Variants in SMAD1 observed in about 807,000 individuals in gnomAD.
SMAD1 encodes the protein MAD, mothers against decapentaplegic homolog 1.
Under a neutral mutation model 41.6 loss-of-function variants are expected in SMAD1, and 6 were observed. The ratio of observed to expected loss-of-function variants is 0.14; its 90% CI spans 0.08 to 0.28. SMAD1 has a LOEUF of 0.28. Among genes scored for constraint, SMAD1 ranks in the 10% least tolerant of loss-of-function variants. The pLI, the probability that SMAD1 is intolerant of heterozygous loss-of-function variation, is 1.00. For synonymous variants in SMAD1, 206 were observed against 203.2 expected (o/e 1.01, Z -0.12); for missense variants, 379 against 582.6 (o/e 0.65, Z 3.60).
intron 1 of SMAD1, among the ~76,000 whole-genome samples, chr4:145,495,779 C>CTTT (rs397938427): frequency 2.6e-5 from 3 of 117,468 alleles, no homozygotes; most frequent in African/African-American, 1.0e-4. Flanking sequence ...CAGTGCTTGG[C>CTTT]TTTTTTTTTT....
chr4:145,507,853 A>AGTAT (rs1265819146), intron 1 of SMAD1, among the ~76,000 whole-genome samples: 1 of 152,186 alleles, frequency 6.6e-6, no homozygotes, highest in Non-Finnish European at 1.5e-5. Context: ...CCAAGGCCAT[A>AGTAT]GTATCATGGA....
intron 2 of SMAD1, among the ~76,000 whole-genome samples, chr4:145,515,682 G>A (rs780993421): frequency 2.4e-4 from 37 of 152,044 alleles, no homozygotes; most frequent in Non-Finnish European, 5.1e-4. Context: ...AAATTTATAC[G>A]GTTTTGCCCT....
chr4:145,495,279 G>A (rs74424042), intron 1 of SMAD1, among the ~76,000 whole-genome samples: 2,086 of 152,166 alleles, frequency 0.014, 63 homozygotes, highest in African/African-American at 0.048. Context: ...TGTCATGACC[G>A]TTTCTGCCAC....
chr4:145,525,798 A>G (rs1269510623), intron 2 of SMAD1: 1 of 152,226 alleles, frequency 6.6e-6, no homozygotes, highest in Non-Finnish European at 1.5e-5. Flanking sequence ...TGCTCCACAT[A>G]AAACTATGTA....
rs781242199 is a variant in SMAD1 at position 145,546,686 on chromosome 4, C to T, written c.776-17C>T. 13 of 1,592,078 alleles carry T rather than the reference C, an allele frequency of 8.2e-6. No homozygotes were observed. Among genetic ancestry groups the T allele is most frequent in the East Asian group, 6.7e-5 (3 of 44,776 alleles). ...GAGGCACTAACCTTGGTTGATATAA[C>T]ATTTTCTTTCCTCTAGATGTTCAGG... On this transcript the variant is annotated splice_polypyrimidine_tract_variant and intron_variant, in intron 4 of 6. Coordinates refer to ENST00000302085, the MANE Select transcript of SMAD1 (RefSeq NM_005900.3).
chr4:145,522,358 G>A (rs564746856), intron 2 of SMAD1, among the ~76,000 whole-genome samples: 1 of 151,744 alleles, frequency 6.6e-6, no homozygotes, highest in African/African-American at 2.4e-5. Flanking sequence ...TCCCAGCACT[G>A]TGGGAGGCCA....
chr4:145,533,081 C>T (rs1298622455), intron 2 of SMAD1, among the ~76,000 whole-genome samples: 1 of 152,196 alleles, frequency 6.6e-6, no homozygotes, highest in Non-Finnish European at 1.5e-5. Context: ...TTCAGGATTC[C>T]ACACAGGGAG....
At chr4:145,530,412 T>G (rs183286964) in intron 2 of SMAD1, among the ~76,000 whole-genome samples, 1 of 152,172 alleles carries the variant, frequency 6.6e-6, no homozygotes, top group Non-Finnish European at 1.5e-5. Context: ...TATGGAGTCA[T>G]AGCAGACGTT....
intron 6 of SMAD1, among the ~76,000 whole-genome samples, chr4:145,557,466 A>G (rs1373335072): frequency 1.3e-5 from 2 of 152,204 alleles, no homozygotes; most frequent in African/African-American, 2.4e-5. Flanking sequence ...TTACATTACT[A>G]TCAGTAATGG....
chr4:145,535,223 A>G (rs1254053084), intron 2 of SMAD1, among the ~76,000 whole-genome samples: 2 of 152,202 alleles, frequency 1.3e-5, no homozygotes, highest in African/African-American at 4.8e-5. Context: ...AGGTATGGGA[A>G]AAAGGCACTC....
intron 2 of SMAD1, among the ~76,000 whole-genome samples, chr4:145,529,305 G>A (rs145788749): frequency 2.2e-3 from 337 of 152,150 alleles, no homozygotes; most frequent in African/African-American, 7.9e-3. Flanking sequence ...TAATAACAGA[G>A]CACCTTCCTT....
intron 1 of SMAD1, among the ~76,000 whole-genome samples, chr4:145,498,406 T>G (rs990672556): frequency 2.0e-5 from 3 of 152,224 alleles, no homozygotes; most frequent in Non-Finnish European, 2.9e-5. Context: ...TTATTTTTTT[T>G]CCTTTATACA....
In SMAD1 at chr4:145,542,596, C is replaced by T. The variant is rs1375990946; in HGVS notation, c.673C>T (p.Pro225Ser). 5.0e-6 allele frequency: 8 copies of T among 1,608,170 alleles called. No individual in the cohort carries two copies. Among genetic ancestry groups the T allele is most frequent in the Middle Eastern group, 3.3e-4 (2 of 6,052 alleles). The change falls in exon 4 of 7, where the codon CCT becomes TCT. Residue 225 changes from proline (P) to serine (S), a missense_variant. By Grantham distance (74) the Pro-to-Ser change is moderately conservative (BLOSUM62 -1). Around this residue, in one of 3 missense-constraint regions of SMAD1, gnomAD observed 208 missense variants for 210.5 expected, o/e 0.99. Transcript: ENST00000302085. Reference sequence around the variant, plus strand: ...AAACTTTGTAGCTGATACGCCCCCACCTGCTTACCTGCCTCCTGAAGACCC... The same window carrying T: ...AAACTTTGTAGCTGATACGCCCCCATCTGCTTACCTGCCTCCTGAAGACCC... The part of the protein sequence containing the change: ...PFQMPADTPP[P>S]AYLPPEDPMT...
intron 1 of SMAD1, among the ~76,000 whole-genome samples, chr4:145,511,204 T>A (rs1730056674): frequency 6.6e-6 from 1 of 152,250 alleles, no homozygotes; most frequent in African/African-American, 2.4e-5. Flanking sequence ...TTTGGGATTA[T>A]ATCTAAATCT....
At chr4:145,517,418 C>A (rs1173516489) in intron 2 of SMAD1, among the ~76,000 whole-genome samples, 1 of 152,106 alleles carries the variant, frequency 6.6e-6, no homozygotes, top group African/African-American at 2.4e-5. Context: ...TCACACATAT[C>A]TCCCTACTCT....
At chr4:145,519,489 AT>A (rs1349596073) in intron 2 of SMAD1, among the ~76,000 whole-genome samples, 3,482 of 143,516 alleles carry the variant, frequency 0.024, 46 homozygotes, top group African/African-American at 0.047. Context: ...CCCCGTCTTA[AT>A]TTTTTTTTTT....
chr4:145,481,864 G>T lies in SMAD1; in HGVS notation c.-351G>T. On this transcript the variant is annotated 5_prime_UTR_variant, in exon 1 of 7. It adds an upstream start codon to the 5' untranslated region. Coordinates refer to ENST00000302085, the MANE Select transcript of SMAD1 (RefSeq NM_005900.3). ...ACGCCAGCGCGACCAGATCAATCCA[G>T]GCTCCAGGAGAAAGCAGGCGGGCGG... 6.4e-6 allele frequency: 1 copy of T among 156,266 alleles called. No homozygotes were observed. Among genetic ancestry groups the T allele is most frequent in the South Asian group, 1.7e-4 (1 of 5,742 alleles). The allele number at this position is 156,266 out of a possible 1,614,324, so 9.7% of individuals were successfully genotyped here. A position where few individuals can be genotyped will look rare whatever the true frequency, so the allele number is the denominator to read the frequency against.
At chr4:145,506,682 G>A (rs1351410019) in intron 1 of SMAD1, among the ~76,000 whole-genome samples, 2 of 151,578 alleles carry the variant, frequency 1.3e-5, no homozygotes, top group African/African-American at 2.4e-5. Flanking sequence ...ATACAAATTA[G>A]GGTAATTAAA....
intron 1 of SMAD1, among the ~76,000 whole-genome samples, chr4:145,508,202 TG>T (rs1046041299): frequency 2.0e-4 from 31 of 152,202 alleles, no homozygotes; most frequent in African/African-American, 7.0e-4. Flanking sequence ...ACCTTCCACT[TG>T]TCCATATGAT....
Sources: gnomAD v4.1 joint callset for allele counts (sites outside exome capture counted in the v4.1 genomes callset) on GRCh38, gnomAD v4.1.1 for gene constraint, gnomAD v4.1.1 regional missense constraint, MANE v1.5 for transcripts, NCBI Gene and HGNC (gene_info 2026-07-23, HGNC 2026-07-21) for gene names.